MICOS13: variants seen among roughly 807,000 people sequenced by gnomAD.
MICOS13 encodes MICOS complex subunit MIC13.
MICOS13 carries 15 observed loss-of-function variants against 16.1 expected under a neutral mutation model. The observed-to-expected ratio is 0.93, with a 90% confidence interval of 0.62 to 1.44. The LOEUF is 1.44. MICOS13 is among the 40% of genes most tolerant of loss of function. The probability of loss-of-function intolerance (pLI) is 0.00; values close to 1 mark genes in which losing one functional copy is unlikely to be tolerated. For missense variants in MICOS13, 164 were observed against 155.0 expected, an observed-to-expected ratio of 1.06 and a Z score of -0.31; for synonymous variants, 61 against 62.6, an observed-to-expected ratio of 0.97 and a Z score of 0.12.
At chr19:5,679,308 G>T in intron 3 of MICOS13, 37 bp downstream of exon 3, 2 of 1,585,742 alleles carry the variant, frequency 1.3e-6, no homozygotes, top group Non-Finnish European at 1.7e-6. Context: ...GCTAGACTGG[G>T]GTGTCTCCCT....
Position 5,678,506 on chromosome 19 carries a change from C to T in MICOS13, c.*45G>A, listed in dbSNP as rs1349201455. The T allele has an allele frequency of 1.3e-5, 19 of 1,513,764 alleles. No homozygotes were observed. The highest frequency in any genetic ancestry group is 1.7e-5 in the Non-Finnish European group (19 of 1,117,288). The allele number at this position is 1,513,764 out of a possible 1,614,324, so 93.8% of individuals were successfully genotyped here. A position where few individuals can be genotyped will look rare whatever the true frequency, so the allele number is the denominator to read the frequency against. ...CAGTCCGGAGTCTTCAGGTCAGTGG[C>T]AGCCCTGCCCGTTCTGGCCGGGGCA... is the stretch of plus-strand genomic sequence containing the variant. On this transcript the variant is annotated 3_prime_UTR_variant, in exon 4 of 4. Transcript: ENST00000309324.
chr19:5,680,328 A>G lies in MICOS13; in HGVS notation c.29+130T>C, dbSNP rs762506399. On this transcript the variant is annotated intron_variant, in intron 1 of 3. Transcript: ENST00000309324. ...AAGCCTCAGTTTCCCTATCTGGCCC[A>G]TAGGCGGGGAACGAAGGGGAAGTGA... 10 of 1,607,210 alleles carry G rather than the reference A, an allele frequency of 6.2e-6. No individual in the cohort carries two copies. In the South Asian group the frequency reaches 1.1e-4, roughly 18 times the overall value.
Position 5,679,662 on chromosome 19 carries a change from G to A in MICOS13, c.131C>T (p.Ala44Val). The change falls in exon 2 of 4, where the codon GCT becomes GTT. Residue 44 changes from alanine (A) to valine (V), a missense_variant. Ala to Val is a moderately conservative substitution (Grantham distance 64, BLOSUM62 0). Transcript: ENST00000309324. ...SDKSQAALQK[A>V]GEVVPPAMYQ... ...CATGGCGGGGGGGACCACCTCCCCAGCCTTCTGTAGGGCTGCCTGGCTCTT... is the reference window on the plus strand; with the variant it reads ...CATGGCGGGGGGGACCACCTCCCCAACCTTCTGTAGGGCTGCCTGGCTCTT... 6.2e-7 allele frequency: 1 copy of A among 1,610,538 alleles called. No homozygotes were observed. The highest frequency in any genetic ancestry group is 8.5e-7 in the Non-Finnish European group (1 of 1,179,234).
At position 5,680,491 on chromosome 19, in the gene MICOS13, G is replaced by A. The variant is rs1269862267; in HGVS notation, c.-5C>T. ...CGACCACACCCGGGCCACCATGGTC[G>A]CTCGGATCCACGCGCAAGGACACTC... On this transcript the variant is annotated 5_prime_UTR_variant, in exon 1 of 4. Transcript: ENST00000309324. 2.5e-6 allele frequency: 4 copies of A among 1,605,368 alleles called. No homozygotes were observed. In the South Asian group the frequency reaches 3.3e-5, roughly 13 times the overall value.
At chr19:5,679,824 C>T (rs1249378614) in intron 1 of MICOS13, 61 bp from the exon 2 acceptor site, 3 of 1,524,280 alleles carry the variant, frequency 2.0e-6, no homozygotes, top group Non-Finnish European at 2.6e-6. Flanking sequence ...CCTCAGGGGC[C>T]AAGGCCCACG....
At position 5,680,502 on chromosome 19, in the gene MICOS13, C is replaced by T. The variant is rs539182340; in HGVS notation, c.-16G>A. 2 of 1,600,594 alleles carry T rather than the reference C, an allele frequency of 1.2e-6. No homozygotes were observed. The highest frequency in any genetic ancestry group is 1.7e-6 in the Non-Finnish European group (2 of 1,176,484). On this transcript the variant is annotated 5_prime_UTR_variant, in exon 1 of 4. The change creates a new upstream start codon in the 5' untranslated region. Transcript: ENST00000309324. Reference sequence around the variant, plus strand: ...GGGCCACCATGGTCGCTCGGATCCACGCGCAAGGACACTCGGCTCGCCCGC... The same window carrying T: ...GGGCCACCATGGTCGCTCGGATCCATGCGCAAGGACACTCGGCTCGCCCGC...
intron 1 of MICOS13, 183 bp from the exon 2 acceptor site, chr19:5,679,946 G>T: frequency 7.2e-7 from 1 of 1,385,704 alleles, no homozygotes; most frequent in Non-Finnish European, 9.6e-7. Context: ...AACGTGCAAG[G>T]CAGGGCGGCT....
chr19:5,680,366 C>T (rs777676376), intron 1 of MICOS13, 92 bp downstream of exon 1: 2 of 1,604,034 alleles, frequency 1.2e-6, no homozygotes, highest in South Asian at 1.1e-5. Context: ...CTAAGGGAAG[C>T]GAAGAGCAGA....
rs750001079 is a variant in MICOS13 at position 5,679,712 on chromosome 19, G to A, written c.81C>T (p.Asp27=). The change falls in exon 2 of 4, where the codon GAC becomes GAT. Residue 27 remains aspartate (D), a synonymous_variant. Coordinates refer to ENST00000309324, the MANE Select transcript of MICOS13 (RefSeq NM_205767.3). ...VAGGAVYLVY[D]QELLGPSDKS... is the part of the protein sequence containing the mutation. Reference sequence around the variant, plus strand: ...TGTCGCTGGGCCCCAGCAGCTCCTGGTCGTACACCAGGTAGACGGCGCCCC... The same window carrying A: ...TGTCGCTGGGCCCCAGCAGCTCCTGATCGTACACCAGGTAGACGGCGCCCC... The A allele has an allele frequency of 1.2e-6, 2 of 1,610,334 alleles. No individual in the cohort carries two copies. The highest frequency in any genetic ancestry group is 4.5e-5 in the East Asian group (2 of 44,840).
chr19:5,678,758 C>CG, intron 3 of MICOS13, 110 bp from the exon 4 acceptor site: 2 of 264,242 alleles, frequency 7.6e-6, no homozygotes. Context: ...GGGTGGGGGG[C>CG]GGGGATGGAG....
At chr19:5,679,460 G>C in intron 2 of MICOS13, 64 bp from the exon 3 acceptor site, 1 of 1,594,710 alleles carries the variant, frequency 6.3e-7, no homozygotes. Flanking sequence ...CCCAGAGGCG[G>C]AGGGAGGAGG....
At position 5,679,444 on chromosome 19, in the gene MICOS13, C is replaced by A. The variant is rs777327359; in HGVS notation, c.208-48G>T. The A allele has an allele frequency of 2.7e-5, 43 of 1,602,334 alleles. No individual in the cohort carries two copies. The East Asian group carries it at 9.6e-4, about 36-fold the overall frequency. On this transcript the variant is annotated intron_variant, in intron 2 of 3. Transcript: ENST00000309324. ...AAGAACTGGTGAAAAGGCTCAGCAGCCCATCCCCAGAGGCGGAGGGAGGAG... is the reference window on the plus strand; with the variant it reads ...AAGAACTGGTGAAAAGGCTCAGCAGACCATCCCCAGAGGCGGAGGGAGGAG...
chr19:5,678,463 G>C lies in MICOS13; in HGVS notation c.*88C>G. 7.9e-7 allele frequency: 1 copy of C among 1,264,944 alleles called. No individual in the cohort carries two copies. The highest frequency in any genetic ancestry group is 1.1e-6 in the Non-Finnish European group (1 of 902,032). The allele number at this position is 1,264,944 out of a possible 1,614,324, so 78.4% of individuals were successfully genotyped here. Reference sequence around the variant, plus strand: ...TATTGGGCCGGCAAGGCCGGGAGCTGCCCTCGGAGTGGGGTCCCAGTCCGG... The same window carrying C: ...TATTGGGCCGGCAAGGCCGGGAGCTCCCCTCGGAGTGGGGTCCCAGTCCGG... On this transcript the variant is annotated 3_prime_UTR_variant, in exon 4 of 4. Coordinates refer to ENST00000309324, the MANE Select transcript of MICOS13 (RefSeq NM_205767.3).
intron 1 of MICOS13, chr19:5,680,192 G>A: frequency 6.5e-7 from 1 of 1,537,830 alleles, no homozygotes; most frequent in South Asian, 1.2e-5. Flanking sequence ...ACCTCACAGA[G>A]AAGACAACTG....
chr19:5,679,171 C>G, intron 3 of MICOS13, 174 bp downstream of exon 3: 1 of 687,510 alleles, frequency 1.5e-6, no homozygotes, highest in Admixed American at 3.1e-5. Flanking sequence ...CTCAGCCTCC[C>G]AAAGTGCTGG....
At chr19:5,679,879 A>G (rs2054501498) in intron 1 of MICOS13, 116 bp from the exon 2 acceptor site, 4 of 1,396,578 alleles carry the variant, frequency 2.9e-6, no homozygotes, top group East Asian at 5.0e-5. Flanking sequence ...ACAGGGTGAC[A>G]CTCTGTAGTG....
intron 1 of MICOS13, chr19:5,680,206 C>A: frequency 1.3e-6 from 2 of 1,539,516 alleles, no homozygotes; most frequent in Non-Finnish European, 1.7e-6. Flanking sequence ...ACAACTGAGG[C>A]TCGGAGGCGG....
chr19:5,680,054 CCTT>C, intron 1 of MICOS13: 4 of 1,523,318 alleles, frequency 2.6e-6, no homozygotes, highest in Non-Finnish European at 3.5e-6. Context: ...AAGATCTTGA[CCTT>C]CTAGAAGCCT....
At chr19:5,680,356 C>G (rs751552997) in intron 1 of MICOS13, 102 bp downstream of exon 1, 282 of 1,604,888 alleles carry the variant, frequency 1.8e-4, no homozygotes, top group Non-Finnish European at 2.4e-4. Flanking sequence ...GGAAGTGACT[C>G]TAAGGGAAGC....
Sources: gnomAD v4.1 joint callset for allele counts on GRCh38, gnomAD v4.1.1 for gene constraint, MANE v1.5 for transcripts, NCBI Gene and HGNC (gene_info 2026-07-23, HGNC 2026-07-21) for gene names.